Variants in MORN4 observed in about 807,000 individuals in gnomAD.
MORN4 encodes MORN repeat-containing protein 4.
MORN4 carries 8 observed loss-of-function variants against 16.4 expected under a neutral mutation model. The observed-to-expected ratio is 0.49, with a 90% CI of 0.29 to 0.88. The LOEUF is 0.88. Among genes scored for constraint, MORN4 ranks in the 40% least tolerant of loss-of-function variants. The pLI is 0.09. For missense variants in MORN4, 159 were observed against 182.9 expected (o/e 0.87, Z 0.75); for synonymous variants, 53 against 68.9 (o/e 0.77, Z 1.14).
rs747725886 is a variant in MORN4, at chr10:97,633,427, G to T, written c.-111C>A. On this transcript the variant is annotated 5_prime_UTR_variant, in exon 1 of 5. Transcript: ENST00000307450. The surrounding 1 kb of genome is among the most constrained non-coding windows in gnomAD (Gnocchi z 4.5). ...CGGACTTTTCCTCTGATGGGCTCCC[G>T]GCTGCCACCTTGCTCTCCGCCACCT... The T allele has an allele frequency of 3.1e-6, 4 of 1,289,662 alleles. No homozygotes were observed. The South Asian group carries it at 3.7e-5, about 12-fold the overall frequency. 79.9% of individuals were successfully genotyped at this position (1,289,662 alleles called of 1,614,324 possible).
At chr10:97,623,789 G>C (rs1002975643) in intron 1 of MORN4, among the ~76,000 whole-genome samples, 8 of 150,712 alleles carry the variant, frequency 5.3e-5, no homozygotes, top group African/African-American at 2.0e-4. Flanking sequence ...AGGCTGGAGT[G>C]CAGTGGCATG....
rs1407473996 is a variant in MORN4 at position 97,626,175 on chromosome 10, G to A, written c.-30-6492C>T. 3.3e-5 allele frequency among the ~76,000 whole-genome samples: 5 copies of A among 151,208 alleles called. No homozygotes were observed. The East Asian group carries it at 5.9e-4, about 18-fold the overall frequency. On this transcript the variant is annotated intron_variant, in intron 1 of 4. Coordinates refer to ENST00000307450, the MANE Select transcript of MORN4 (RefSeq NM_178832.4). ...ATGGATCACCTGAGGTCAGGAGTTC[G>A]AGACCAGCCTGGCCAACATGGTGAA... is the stretch of plus-strand genomic sequence containing the variant.
chr10:97,626,098 G>A (rs895505012), intron 1 of MORN4, among the ~76,000 whole-genome samples: 3 of 150,210 alleles, frequency 2.0e-5, no homozygotes, highest in South Asian at 2.1e-4. Flanking sequence ...GAGAACAAGC[G>A]GGCTGGGCAC....
chr10:97,632,377 C>T (rs941643737), intron 1 of MORN4, among the ~76,000 whole-genome samples: 1 of 151,968 alleles, frequency 6.6e-6, no homozygotes. Flanking sequence ...TGCCACCATG[C>T]TTGGCTAATT....
At position 97,626,066 on chromosome 10, in the gene MORN4, C is replaced by CT. The variant is rs74855674; in HGVS notation, c.-30-6384dup. On this transcript the variant is annotated intron_variant, in intron 1 of 4. Transcript: ENST00000307450. ...TGAGCCACCACACCCAGCCTCATGC[C>CT]TTTTTTTTTTTTTTTTTTAAAGAGA... Among the ~76,000 whole-genome samples, 260 of 140,768 alleles carry CT rather than the reference C, an allele frequency of 1.8e-3. 1 individual carries two copies. The highest frequency in any genetic ancestry group is 0.011 in the Middle Eastern group (3 of 268). The allele number at this position is 140,768 out of a possible 152,430, so 92.3% of individuals were successfully genotyped here. A position where few individuals can be genotyped will look rare whatever the true frequency, so the allele number is the denominator to read the frequency against.
At position 97,616,251 on chromosome 10, in the gene MORN4, C is replaced by G; in HGVS notation, c.*12G>C. 6.4e-7 allele frequency: 1 copy of G among 1,560,304 alleles called. No homozygotes were observed. Among genetic ancestry groups the G allele is most frequent in the Non-Finnish European group, 8.7e-7 (1 of 1,154,704 alleles). On this transcript the variant is annotated 3_prime_UTR_variant, in exon 5 of 5. Coordinates refer to ENST00000307450, the MANE Select transcript of MORN4 (RefSeq NM_178832.4). ...TTTACCCAATACTTATCAGCTGGTG[C>G]CCACTGCGCTGTCAGGCAGTGAGAT... is the stretch of plus-strand genomic sequence containing the variant.
chr10:97,623,029 C>T (rs182467628), intron 1 of MORN4, among the ~76,000 whole-genome samples: 1 of 151,984 alleles, frequency 6.6e-6, no homozygotes, highest in African/African-American at 2.4e-5. Context: ...GGACTACAGG[C>T]GCACACTACC....
intron 1 of MORN4, among the ~76,000 whole-genome samples, chr10:97,621,552 A>G (rs2041293757): frequency 6.6e-6 from 1 of 152,140 alleles, no homozygotes; most frequent in Admixed American, 6.6e-5. Flanking sequence ...TCCGTTCATG[A>G]CCCTACAATG....
rs2041242528 is a variant in MORN4, at chr10:97,617,108, G to A, written c.182+100C>T. ...ATTACTCATCTGTGTTCTGCAGGGA[G>A]TGAGACAAGGTCAGGATTGACCAGA... On this transcript the variant is annotated intron_variant, in intron 3 of 4. Transcript: ENST00000307450. The A allele has an allele frequency of 4.4e-6, 4 of 908,616 alleles. No homozygotes were observed. In the Admixed American group the frequency reaches 7.5e-5, roughly 17 times the overall value. The allele number at this position is 908,616 out of a possible 1,614,324, so 56.3% of individuals were successfully genotyped here. A position where few individuals can be genotyped will look rare whatever the true frequency, so the allele number is the denominator to read the frequency against.
chr10:97,619,731 G>T, intron 1 of MORN4, 48 bp from the exon 2 acceptor site: 1 of 1,491,472 alleles, frequency 6.7e-7, no homozygotes, highest in Non-Finnish European at 9.3e-7. Context: ...ATGGCGGGAG[G>T]AAAGGACTGC....
intron 1 of MORN4, among the ~76,000 whole-genome samples, chr10:97,626,428 CATAATA>C (rs2041348020): frequency 8.4e-6 from 1 of 118,704 alleles, no homozygotes; most frequent in Non-Finnish European, 1.8e-5. Flanking sequence ...TAATCATAAT[CATAATA>C]TGTTCTGATG....
intron 1 of MORN4, among the ~76,000 whole-genome samples, chr10:97,621,370 C>A (rs118124004): frequency 2.3e-4 from 35 of 152,250 alleles, no homozygotes; most frequent in Non-Finnish European, 4.9e-4. Flanking sequence ...AAAGAGGCGA[C>A]CTCTGCGGGT....
At chr10:97,633,736 A>C, upstream of MORN4, 12 of 1,000,304 alleles carry the variant, frequency 1.2e-5, no homozygotes, top group Non-Finnish European at 1.6e-5. This position sits in a 1 kb window ranked among gnomAD's most constrained non-coding sequence, Gnocchi z 4.5. Flanking sequence ...AGAAAACCAA[A>C]CCTGCGCCCG....
intron 1 of MORN4, among the ~76,000 whole-genome samples, chr10:97,624,097 A>G (rs1302316005): frequency 6.6e-6 from 1 of 152,032 alleles, no homozygotes; most frequent in Non-Finnish European, 1.5e-5. Flanking sequence ...TTTTCCTTCA[A>G]GTCCCAGGGA....
chr10:97,626,976 T>G (rs1470610977), intron 1 of MORN4, among the ~76,000 whole-genome samples: 3 of 148,812 alleles, frequency 2.0e-5, no homozygotes, highest in Non-Finnish European at 4.5e-5. Context: ...AGGCTGGTCT[T>G]GAACTCCTGA....
chr10:97,623,307 T>C (rs997518816), intron 1 of MORN4, among the ~76,000 whole-genome samples: 11 of 152,260 alleles, frequency 7.2e-5, no homozygotes, highest in African/African-American at 2.6e-4. Flanking sequence ...CAACCAAGCA[T>C]GGTGGCTCAT....
At chr10:97,627,432 C>G (rs1282310338) in intron 1 of MORN4, among the ~76,000 whole-genome samples, 2 of 152,126 alleles carry the variant, frequency 1.3e-5, no homozygotes, top group African/African-American at 4.8e-5. Context: ...CGTGAGCTAC[C>G]GCGCCCAGCC....
upstream of MORN4, chr10:97,633,669 A>G (rs2041417944): frequency 1.2e-5 from 15 of 1,254,822 alleles, no homozygotes; most frequent in South Asian, 1.6e-4. The surrounding 1 kb of genome is among the most constrained non-coding windows in gnomAD (Gnocchi z 4.5). Flanking sequence ...GCAGATAAAG[A>G]CAGAGGATCC....
chr10:97,617,171 T>A, intron 3 of MORN4, 37 bp downstream of exon 3: 1 of 1,529,884 alleles, frequency 6.5e-7, no homozygotes, highest in South Asian at 1.1e-5. Context: ...AGACCCTCCC[T>A]TATTTAAGGC....
Sources: gnomAD v4.1 joint callset for allele counts (sites outside exome capture counted in the v4.1 genomes callset) on GRCh38, gnomAD v4.1.1 for gene constraint, Gnocchi (gnomAD v3.1) non-coding constraint, MANE v1.5 for transcripts, NCBI Gene and HGNC (gene_info 2026-07-23, HGNC 2026-07-21) for gene names.